STIM2: variants seen among roughly 807,000 people sequenced by gnomAD.
The protein encoded by STIM2 is stromal interaction molecule 2.
STIM2 carries 31 observed loss-of-function variants against 85.8 expected under a neutral mutation model. The observed-to-expected ratio is 0.36, with a 90% confidence interval of 0.27 to 0.49. STIM2 has a LOEUF of 0.49. Among genes scored for constraint, STIM2 ranks in the 20% least tolerant of loss-of-function variants. The pLI, the probability that STIM2 is intolerant of heterozygous loss-of-function variation, is 0.98. For synonymous variants in STIM2, 356 were observed against 331.1 expected, an observed-to-expected ratio of 1.08 and a Z score of -0.82; for missense variants, 841 against 927.6, an observed-to-expected ratio of 0.91 and a Z score of 1.21.
At chr4:26,874,846 C>T (rs997681806) in intron 1 of STIM2, among the ~76,000 whole-genome samples, 8 of 152,086 alleles carry the variant, frequency 5.3e-5, no homozygotes, top group South Asian at 2.1e-4. Flanking sequence ...TTTTAGGTAC[C>T]GGAGAAGTAG....
rs1259263104 is a variant in STIM2, at chr4:26,946,794, T to C, written c.283-10818T>C. On this transcript the variant is annotated intron_variant, in intron 2 of 11. Transcript: ENST00000467087. ...TTATTACATCAGTTTACCAGTTTGG[T>C]TTTGTGGTTTCTTATAATTCGCGGT... Among the ~76,000 whole-genome samples, 3 of 152,130 alleles carry C rather than the reference T, an allele frequency of 2.0e-5. No homozygotes were observed. The East Asian group carries it at 5.8e-4, about 29-fold the overall frequency.
In STIM2 at chr4:27,004,296, T is replaced by C. The variant is rs147489519; in HGVS notation, c.981+1192T>C. 5.2e-3 allele frequency among the ~76,000 whole-genome samples: 788 copies of C among 152,294 alleles called. 8 individuals carry two copies. Among genetic ancestry groups the C allele is most frequent in the African/African-American group, 0.018 (765 of 41,544 alleles). ...CCTCTAAGGACTCTTAGATGTATTT[T>C]ACAGTCATGCCTCATTCAACTAACA... On this transcript the variant is annotated intron_variant, in intron 7 of 11. Coordinates refer to ENST00000467087, the MANE Select transcript of STIM2 (RefSeq NM_020860.4).
chr4:27,001,528 G>A (rs1311613466), intron 5 of STIM2, among the ~76,000 whole-genome samples: 1 of 152,218 alleles, frequency 6.6e-6, no homozygotes. Context: ...GGGCTGGATA[G>A]TTTCTGGTTA....
intron 2 of STIM2, among the ~76,000 whole-genome samples, chr4:26,935,937 C>T (rs763595115): frequency 2.0e-5 from 3 of 152,084 alleles, no homozygotes; most frequent in Non-Finnish European, 2.9e-5. Flanking sequence ...TTGTTTTCTG[C>T]TCCTGTATTT....
intron 2 of STIM2, among the ~76,000 whole-genome samples, chr4:26,936,716 G>A (rs1228936531): frequency 6.6e-6 from 1 of 152,202 alleles, no homozygotes; most frequent in African/African-American, 2.4e-5. Context: ...TGTAGTATGA[G>A]ATCTGTGTAT....
rs1726073769 is a variant in STIM2, at chr4:26,952,063, C to T, written c.283-5549C>T. ...TCAGATCTTGTGAGACTTACTACCA[C>T]GAGAACAGTATGGGGGAAACTGCCC... On this transcript the variant is annotated intron_variant, in intron 2 of 11. Transcript: ENST00000467087. Among the ~76,000 whole-genome samples the T allele has an allele frequency of 3.3e-5, 5 of 152,218 alleles. No homozygotes were observed. The East Asian group carries it at 5.8e-4, about 18-fold the overall frequency.
intron 3 of STIM2, among the ~76,000 whole-genome samples, chr4:26,972,696 A>G (rs1161585475): frequency 6.6e-6 from 1 of 152,112 alleles, no homozygotes; most frequent in East Asian, 1.9e-4. Flanking sequence ...TTGGTCTAAA[A>G]TTCTCTTTTT....
At chr4:26,991,715 A>T (rs1230173184) in intron 3 of STIM2, among the ~76,000 whole-genome samples, 1 of 152,136 alleles carries the variant, frequency 6.6e-6, no homozygotes, top group Non-Finnish European at 1.5e-5. Context: ...TTTAAAAAAG[A>T]GAATCTGAGC....
At chr4:27,003,162 G>T (rs1728217437) in intron 7 of STIM2, 58 bp downstream of exon 7, 2 of 1,482,648 alleles carry the variant, frequency 1.3e-6, no homozygotes, top group Non-Finnish European at 1.8e-6. Flanking sequence ...ACTCTGAGGA[G>T]CCAGGTCCTG....
chr4:26,957,546 T>A lies in STIM2; in HGVS notation c.283-66T>A, dbSNP rs1286029114. On this transcript the variant is annotated intron_variant, in intron 2 of 11. Coordinates refer to ENST00000467087, the MANE Select transcript of STIM2 (RefSeq NM_020860.4). ...CACCCACTGGATATCAGATTTCATC[T>A]TTTTCTCTAGTTGTCAAGACTAAGG... 6.2e-6 allele frequency: 6 copies of A among 964,918 alleles called. No homozygotes were observed. In the Admixed American group the frequency reaches 1.8e-4, roughly 29 times the overall value. 59.8% of individuals were successfully genotyped at this position (964,918 alleles called of 1,614,324 possible).
intron 11 of STIM2, chr4:27,021,744 A>G (rs1019413355): frequency 2.4e-6 from 1 of 414,270 alleles, no homozygotes; most frequent in Non-Finnish European, 4.9e-6. Flanking sequence ...CATTTAGTTG[A>G]GTTCCTGGCT....
chr4:26,973,417 C>T (rs917238428), intron 3 of STIM2, among the ~76,000 whole-genome samples: 5 of 152,086 alleles, frequency 3.3e-5, no homozygotes, highest in Non-Finnish European at 4.4e-5. Context: ...TAAATATGTC[C>T]CAGACATCCT....
At chr4:26,999,807 A>G (rs954458516) in intron 5 of STIM2, among the ~76,000 whole-genome samples, 33 of 152,346 alleles carry the variant, frequency 2.2e-4, no homozygotes, top group African/African-American at 7.5e-4. Flanking sequence ...TTGAAGCTTT[A>G]TAAATTAACA....
intron 11 of STIM2, chr4:27,021,410 C>T (rs1431040610): frequency 5.4e-5 from 24 of 448,562 alleles, no homozygotes; most frequent in Non-Finnish European, 9.9e-5. Context: ...AAGTAAGCCA[C>T]GTGGAGATGG....
At chr4:26,984,338 T>C (rs937018297) in intron 3 of STIM2, among the ~76,000 whole-genome samples, 15 of 152,214 alleles carry the variant, frequency 9.9e-5, no homozygotes, top group Non-Finnish European at 8.8e-5. Context: ...CCATATGATT[T>C]TGAGACCCAC....
rs150847713 is a variant in STIM2, at chr4:26,894,108, G to A, written c.152-25396G>A. ...TTCACCATCTTGGCCAGACTGGGCT[G>A]GAACTCCTGACTTCGTGATCCACCC... is the stretch of plus-strand genomic sequence containing the variant. On this transcript the variant is annotated intron_variant, in intron 1 of 11. Coordinates refer to ENST00000467087, the MANE Select transcript of STIM2 (RefSeq NM_020860.4). 8.8e-4 allele frequency among the ~76,000 whole-genome samples: 134 copies of A among 152,200 alleles called. 1 individual carries two copies. The East Asian group carries it at 0.02, about 23-fold the overall frequency.
chr4:26,961,206 C>T (rs1306829143), intron 3 of STIM2, among the ~76,000 whole-genome samples: 3 of 152,124 alleles, frequency 2.0e-5, no homozygotes, highest in Admixed American at 6.5e-5. Flanking sequence ...AGATGAGAAC[C>T]GAGCAACAAG....
Position 27,023,135 on chromosome 4 carries a change from A to T in STIM2, c.*139A>T, listed in dbSNP as rs1168874861. The T allele has an allele frequency of 6.3e-6, 5 of 788,864 alleles. No homozygotes were observed. The highest frequency in any genetic ancestry group is 1.0e-5 in the Non-Finnish European group (5 of 486,628). 48.9% of individuals were successfully genotyped at this position (788,864 alleles called of 1,614,324 possible). Reference sequence around the variant, plus strand: ...TTTCCAGGCCGGATGCCATAGTGGAACATCCAGAAGGGCAACTGTCTACTG... The same window carrying T: ...TTTCCAGGCCGGATGCCATAGTGGATCATCCAGAAGGGCAACTGTCTACTG... On this transcript the variant is annotated 3_prime_UTR_variant, in exon 12 of 12. Coordinates refer to ENST00000467087, the MANE Select transcript of STIM2 (RefSeq NM_020860.4).
At chr4:26,998,492 A>G (rs1728036102) in intron 4 of STIM2, among the ~76,000 whole-genome samples, 1 of 152,204 alleles carries the variant, frequency 6.6e-6, no homozygotes, top group African/African-American at 2.4e-5. Context: ...GAAAATCAAT[A>G]TGATCTAAAT....
Sources: gnomAD v4.1 joint callset for allele counts (sites outside exome capture counted in the v4.1 genomes callset) on GRCh38, gnomAD v4.1.1 for gene constraint, MANE v1.5 for transcripts, NCBI Gene and HGNC (gene_info 2026-07-23, HGNC 2026-07-21) for gene names.